Variants in VAV3 observed in about 807,000 individuals in gnomAD.
The protein encoded by VAV3 is vav guanine nucleotide exchange factor 3, also known as guanine nucleotide exchange factor VAV3.
In VAV3, 94 loss-of-function variants were observed where a neutral mutation model predicts 131.2. That is an observed-to-expected ratio of 0.72 (90% CI 0.61 to 0.85). VAV3 has a LOEUF of 0.85. VAV3 is among the 40% of genes least tolerant of loss of function. VAV3 has a pLI of 0.00. For synonymous variants in VAV3, 349 were observed against 342.0 expected (o/e 1.02, Z -0.22); for missense variants, 939 against 1,002.7 (o/e 0.94, Z 0.86).
At chr1:107,812,543 T>A (rs932335762) in intron 2 of VAV3, among the ~76,000 whole-genome samples, 1 of 152,078 alleles carries the variant, frequency 6.6e-6, no homozygotes, top group Non-Finnish European at 1.5e-5. Context: ...TACAGGACTA[T>A]TTTTAATGTA....
In VAV3 at chr1:107,656,920, T is replaced by A. The variant is rs1656605845; in HGVS notation, c.1778-14165A>T. Among the ~76,000 whole-genome samples, 3 of 147,446 alleles carry A rather than the reference T, an allele frequency of 2.0e-5. No individual in the cohort carries two copies. In the Admixed American group the frequency reaches 2.0e-4, roughly 10 times the overall value. ...ACAACACACAACACATTTACACATT[T>A]CCCATTTTCAGTCAAGACAATCCTT... On this transcript the variant is annotated intron_variant, in intron 19 of 26. Transcript: ENST00000370056.
chr1:107,582,710 A>G (rs994540635), intron 25 of VAV3, among the ~76,000 whole-genome samples: 4 of 151,532 alleles, frequency 2.6e-5, no homozygotes, highest in African/African-American at 4.9e-5. Context: ...ATGATTTCCA[A>G]TTTCATCCAT....
chr1:107,723,585 T>A (rs1043071737), intron 15 of VAV3, among the ~76,000 whole-genome samples: 1 of 152,194 alleles, frequency 6.6e-6, no homozygotes, highest in African/African-American at 2.4e-5. Flanking sequence ...TGAAGCTATA[T>A]TAGATCACAG....
intron 1 of VAV3, among the ~76,000 whole-genome samples, chr1:107,875,940 A>G (rs1571078517): frequency 6.6e-6 from 1 of 152,166 alleles, no homozygotes; most frequent in South Asian, 2.1e-4. Flanking sequence ...TCAGACAGAA[A>G]TATGGGAGTC....
intron 20 of VAV3, among the ~76,000 whole-genome samples, chr1:107,631,116 A>T (rs2101383616): frequency 6.6e-6 from 1 of 152,266 alleles, no homozygotes; most frequent in South Asian, 2.1e-4. Context: ...GGTACCCCTT[A>T]TTTGGTAACT....
Position 107,777,260 on chromosome 1 carries a change from G to T in VAV3, c.417C>A (p.Asp139Glu). ...FPTEESINDEDIYKGLPDLID... is the reference protein window; with the variant it reads ...FPTEESINDEEIYKGLPDLID... ...TTAAATCAGGAAGGCCTTTGTAGATGTCTTCATCATTAATGCTTTCTTCTG... is the reference window on the plus strand; with the variant it reads ...TTAAATCAGGAAGGCCTTTGTAGATTTCTTCATCATTAATGCTTTCTTCTG... Residue 139 changes from aspartate (D) to glutamate (E), a missense_variant, in exon 4 of 27, where the codon GAC (aspartate) becomes GAA (glutamate). Transcript: ENST00000370056. 6.2e-7 allele frequency: 1 copy of T among 1,614,102 alleles called. No individual in the cohort carries two copies. The highest frequency in any genetic ancestry group is 1.1e-5 in the South Asian group (1 of 91,080).
At chr1:107,748,078 A>G (rs1014329956) in intron 15 of VAV3, among the ~76,000 whole-genome samples, 13 of 152,178 alleles carry the variant, frequency 8.5e-5, no homozygotes, top group African/African-American at 2.9e-4. Context: ...TAATTTCAGA[A>G]CCACAATAAA....
intron 1 of VAV3, among the ~76,000 whole-genome samples, chr1:107,913,312 G>A (rs561556816): frequency 1.1e-4 from 16 of 152,186 alleles, no homozygotes; most frequent in Non-Finnish European, 2.2e-4. Flanking sequence ...CCATTTGGAA[G>A]ATGTAGTCAA....
intron 1 of VAV3, among the ~76,000 whole-genome samples, chr1:107,939,366 G>C (rs1438133495): frequency 6.6e-6 from 1 of 152,162 alleles, no homozygotes; most frequent in African/African-American, 2.4e-5. Flanking sequence ...TGATGTGAAA[G>C]AGGTACACAT....
chr1:107,794,414 A>AT (rs907989382), intron 2 of VAV3, among the ~76,000 whole-genome samples: 3 of 152,142 alleles, frequency 2.0e-5, no homozygotes, highest in South Asian at 2.1e-4. Context: ...ATTATGATAC[A>AT]TTTTTTCCTT....
At chr1:107,768,351 A>G in intron 7 of VAV3, 90 bp downstream of exon 7, 2 of 935,110 alleles carry the variant, frequency 2.1e-6, no homozygotes, top group East Asian at 2.7e-5. Flanking sequence ...ATAATACAAA[A>G]GAGTATTAAA....
chr1:107,688,862 ATTG>A (rs2101770418), intron 17 of VAV3, among the ~76,000 whole-genome samples: 1 of 152,300 alleles, frequency 6.6e-6, no homozygotes, highest in East Asian at 1.9e-4. Flanking sequence ...TTTCGTGTGA[ATTG>A]TTTTTTGTTA....
chr1:107,851,171 CAAAA>C (rs35609784), intron 2 of VAV3, among the ~76,000 whole-genome samples: 2 of 68,482 alleles, frequency 2.9e-5, no homozygotes, highest in Non-Finnish European at 3.1e-5. Flanking sequence ...GACTCCGTCT[CAAAA>C]AAAAAAAAAA....
intron 1 of VAV3, among the ~76,000 whole-genome samples, chr1:107,926,545 G>A (rs892232652): frequency 2.7e-5 from 4 of 148,636 alleles, no homozygotes; most frequent in Admixed American, 1.4e-4. Context: ...GAAGAGGATA[G>A]GAAAGACAGT....
At chr1:107,728,628 TATGTA>T (rs1662018739) in intron 15 of VAV3, among the ~76,000 whole-genome samples, 1 of 148,470 alleles carries the variant, frequency 6.7e-6, no homozygotes, top group Non-Finnish European at 1.5e-5. Context: ...TGTATATGTA[TATGTA>T]TATGTATATG....
chr1:107,795,099 TC>T (rs1338779593), intron 2 of VAV3, among the ~76,000 whole-genome samples: 1 of 152,126 alleles, frequency 6.6e-6, no homozygotes, highest in Non-Finnish European at 1.5e-5. Flanking sequence ...GGGGCCACCA[TC>T]CCCTTCTTTA....
intron 2 of VAV3, among the ~76,000 whole-genome samples, chr1:107,835,987 G>A (rs940752341): frequency 3.3e-5 from 5 of 152,144 alleles, no homozygotes; most frequent in African/African-American, 9.7e-5. Flanking sequence ...ACACAGGCAT[G>A]GTGCCTAAAT....
At chr1:107,762,296 T>C (rs1335318933) in intron 9 of VAV3, among the ~76,000 whole-genome samples, 1 of 152,106 alleles carries the variant, frequency 6.6e-6, no homozygotes, top group African/African-American at 2.4e-5. Flanking sequence ...ACACTTAGTT[T>C]TTCTGGCACA....
At chr1:107,802,821 GT>G (rs1399405441) in intron 2 of VAV3, among the ~76,000 whole-genome samples, 4 of 150,232 alleles carry the variant, frequency 2.7e-5, no homozygotes, top group Non-Finnish European at 5.9e-5. Flanking sequence ...TGCTTGTCTG[GT>G]TTTGGTATTA....
Sources: gnomAD v4.1 joint callset for allele counts (sites outside exome capture counted in the v4.1 genomes callset) on GRCh38, gnomAD v4.1.1 for gene constraint, MANE v1.5 for transcripts, NCBI Gene and HGNC (gene_info 2026-07-23, HGNC 2026-07-21) for gene names.